The following OPCML variants were observed in gnomAD, a reference collection of about 807,000 sequenced individuals.
The protein encoded by OPCML is opioid binding protein/cell adhesion molecule like, also known as opioid-binding protein/cell adhesion molecule.
In OPCML, 13 loss-of-function variants were observed where a neutral mutation model predicts 37.8. The ratio of observed to expected loss-of-function variants is 0.34; its 90% confidence interval spans 0.22 to 0.55. The LOEUF (loss-of-function observed/expected upper bound fraction) is 0.55. Ranked by LOEUF, OPCML falls within the 20% of genes least tolerant of loss-of-function variation. The probability of loss-of-function intolerance (pLI) is 0.91; values close to 1 mark genes in which losing one functional copy is unlikely to be tolerated. For synonymous variants in OPCML, 176 were observed against 168.8 expected, an observed-to-expected ratio of 1.04 and a Z score of -0.33; for missense variants, 341 against 435.6, an observed-to-expected ratio of 0.78 and a Z score of 1.93.
At chr11:132,583,925 T>G (rs547427157) in intron 3 of OPCML, among the ~76,000 whole-genome samples, 21 of 152,194 alleles carry the variant, frequency 1.4e-4, no homozygotes, top group African/African-American at 5.1e-4. Context: ...ATAGGCTGAT[T>G]TTTTTTATAG....
At chr11:132,813,367 T>C (rs1307739151) in intron 2 of OPCML, among the ~76,000 whole-genome samples, 1 of 152,042 alleles carries the variant, frequency 6.6e-6, no homozygotes, top group Non-Finnish European at 1.5e-5. Context: ...ATTAAGAGGG[T>C]TGTTTAATTT....
At chr11:133,436,281 TG>T (rs34008409) in intron 1 of OPCML, among the ~76,000 whole-genome samples, 21,692 of 152,060 alleles carry the variant, frequency 0.14, 1,748 homozygotes, top group African/African-American at 0.21. Context: ...GCAAAAAGAC[TG>T]TTAGTTTTGG....
chr11:133,195,386 C>T (rs529378333), intron 1 of OPCML, among the ~76,000 whole-genome samples: 70 of 152,304 alleles, frequency 4.6e-4, no homozygotes, highest in African/African-American at 1.6e-3. Context: ...AGAAAAGATG[C>T]TGGAATCCTG....
chr11:132,722,821 G>T (rs1003110842), intron 2 of OPCML, among the ~76,000 whole-genome samples: 4 of 152,168 alleles, frequency 2.6e-5, no homozygotes, highest in Non-Finnish European at 5.9e-5. Flanking sequence ...AGCGAAAGGT[G>T]AAGTTTTAAC....
intron 1 of OPCML, among the ~76,000 whole-genome samples, chr11:133,500,100 G>A (rs1276758905): frequency 6.6e-6 from 1 of 152,012 alleles, no homozygotes. Context: ...TTGAACTCCT[G>A]ACCTCATGAT....
chr11:132,679,923 G>A (rs928041760), intron 2 of OPCML, among the ~76,000 whole-genome samples: 4 of 152,296 alleles, frequency 2.6e-5, no homozygotes, highest in Admixed American at 1.3e-4. Flanking sequence ...GGAGACAGGT[G>A]GAGTGGTAGG....
At chr11:132,842,954 C>T (rs2725449) in intron 2 of OPCML, among the ~76,000 whole-genome samples, 28,622 of 152,192 alleles carry the variant, frequency 0.19, 2,705 homozygotes, top group Non-Finnish European at 0.21. Flanking sequence ...ACTTCAAACT[C>T]GTCATGCTTT....
chr11:133,254,982 T>A (rs1204967784), intron 1 of OPCML, among the ~76,000 whole-genome samples: 1 of 152,210 alleles, frequency 6.6e-6, no homozygotes, highest in Admixed American at 6.5e-5. Context: ...CGCTCTACCT[T>A]GATTCAAAGA....
At chr11:132,936,588 G>A (rs1356065198) in intron 2 of OPCML, among the ~76,000 whole-genome samples, 1 of 152,082 alleles carries the variant, frequency 6.6e-6, no homozygotes, top group Non-Finnish European at 1.5e-5. Context: ...AGGCTCTGCA[G>A]TATTATCCTG....
At chr11:133,061,086 G>A (rs1948333694) in intron 1 of OPCML, among the ~76,000 whole-genome samples, 1 of 152,104 alleles carries the variant, frequency 6.6e-6, no homozygotes, top group African/African-American at 2.4e-5. Flanking sequence ...GGCTGGTCTT[G>A]AACTCCTGGG....
At chr11:133,321,590 G>A (rs1943331304) in intron 1 of OPCML, among the ~76,000 whole-genome samples, 2 of 152,078 alleles carry the variant, frequency 1.3e-5, no homozygotes, top group Non-Finnish European at 2.9e-5. Context: ...GGCCACTCTG[G>A]ACAGGCATGT....
chr11:132,874,262 G>T (rs1390935801), intron 2 of OPCML, among the ~76,000 whole-genome samples: 2 of 152,074 alleles, frequency 1.3e-5, no homozygotes, highest in Non-Finnish European at 2.9e-5. Flanking sequence ...TGGCTCAGTT[G>T]ATAGAAAATC....
chr11:133,130,417 C>G (rs181177410), intron 1 of OPCML, among the ~76,000 whole-genome samples: 1 of 151,994 alleles, frequency 6.6e-6, no homozygotes, highest in South Asian at 2.1e-4. Context: ...TTTTCATTTA[C>G]ATTAGCACCA....
intron 2 of OPCML, among the ~76,000 whole-genome samples, chr11:132,693,046 A>G (rs1943465768): frequency 6.6e-6 from 1 of 152,240 alleles, no homozygotes; most frequent in Non-Finnish European, 1.5e-5. Flanking sequence ...ACTTGGTATC[A>G]TTGGAGAATA....
chr11:133,119,406 T>G (rs1201613344), intron 1 of OPCML, among the ~76,000 whole-genome samples: 5 of 152,084 alleles, frequency 3.3e-5, no homozygotes, highest in African/African-American at 1.2e-4. Context: ...CCTGGAGCCA[T>G]ATCAGTTAGG....
In OPCML at chr11:133,011,736, G is replaced by A. The variant is rs1047792424; in HGVS notation, c.62-68726C>T. ...GAAGACAGGCAGTCAGGAGCCATTG[G>A]TTATAGTCCAAGCTCTGATAGAAGT... On this transcript the variant is annotated intron_variant, in intron 1 of 7. Coordinates refer to ENST00000524381, the MANE Select transcript of OPCML (RefSeq NM_001012393.5). Among the ~76,000 whole-genome samples the A allele has an allele frequency of 6.6e-5, 10 of 152,182 alleles. No homozygotes were observed. In the South Asian group the frequency reaches 1.0e-3, roughly 16 times the overall value.
chr11:133,422,032 TAGG>T, intron 1 of OPCML: 1 of 521,808 alleles, frequency 1.9e-6, no homozygotes, highest in Non-Finnish European at 2.5e-6. Context: ...TTTTGTTACA[TAGG>T]TGTATACGTG....
chr11:133,420,490 A>AT, intron 1 of OPCML: 2 of 983,762 alleles, frequency 2.0e-6, no homozygotes, highest in South Asian at 4.7e-5. Flanking sequence ...TAGGACTTTT[A>AT]TTTTTTTTCT....
chr11:133,234,656 T>C (rs1269224589), intron 1 of OPCML, among the ~76,000 whole-genome samples: 2 of 152,258 alleles, frequency 1.3e-5, no homozygotes, highest in Non-Finnish European at 2.9e-5. Context: ...CATCATTCTA[T>C]ACATTTGCAG....
Sources: gnomAD v4.1 joint callset for allele counts (sites outside exome capture counted in the v4.1 genomes callset) on GRCh38, gnomAD v4.1.1 for gene constraint, MANE v1.5 for transcripts, NCBI Gene and HGNC (gene_info 2026-07-23, HGNC 2026-07-21) for gene names.